The following MYO3B variants were observed in gnomAD, a reference collection of about 807,000 sequenced individuals.
MYO3B encodes myosin IIIB, also known as myosin-IIIb.
In MYO3B, 156 loss-of-function variants were observed where a neutral mutation model predicts 174.6. The observed-to-expected ratio is 0.89, with a 90% confidence interval of 0.78 to 1.02. MYO3B has a LOEUF of 1.02. MYO3B is among the 50% of genes least tolerant of loss of function. MYO3B has a pLI of 0.00. For missense variants in MYO3B, 1,632 were observed against 1,639.4 expected, an observed-to-expected ratio of 1.00 and a Z score of 0.08; for synonymous variants, 563 against 569.1, an observed-to-expected ratio of 0.99 and a Z score of 0.15.
chr2:170,221,469 G>A (rs1052569056), intron 6 of MYO3B, among the ~76,000 whole-genome samples: 2 of 152,092 alleles, frequency 1.3e-5, no homozygotes, highest in African/African-American at 4.8e-5. Context: ...ATGTTGATGA[G>A]CAGTCAAGAC....
chr2:170,182,585 T>C (rs943606324), intron 1 of MYO3B, among the ~76,000 whole-genome samples: 1 of 151,618 alleles, frequency 6.6e-6, no homozygotes, highest in Admixed American at 6.6e-5. Context: ...TTTAAAATTT[T>C]CATGTTATGT....
chr2:170,200,081 T>C (rs2105337085), intron 2 of MYO3B, 69 bp from the exon 3 acceptor site: 1 of 1,462,738 alleles, frequency 6.8e-7, no homozygotes, highest in East Asian at 2.3e-5. Context: ...TACTTGAGCA[T>C]GATGTCATAT....
intron 9 of MYO3B, among the ~76,000 whole-genome samples, chr2:170,369,684 GA>G (rs1335601425): frequency 6.3e-5 from 3 of 47,960 alleles, no homozygotes; most frequent in African/African-American, 1.6e-4. Context: ...CAGAAATTTG[GA>G]TTTTTTTTTT....
At chr2:170,285,640 C>T (rs998418134) in intron 7 of MYO3B, among the ~76,000 whole-genome samples, 2 of 152,176 alleles carry the variant, frequency 1.3e-5, no homozygotes, top group Admixed American at 6.5e-5. Flanking sequence ...GCTGGGATTA[C>T]AGGCGTGAGC....
intron 7 of MYO3B, among the ~76,000 whole-genome samples, chr2:170,272,944 C>G (rs2093436035): frequency 6.6e-6 from 1 of 152,150 alleles, no homozygotes; most frequent in Non-Finnish European, 1.5e-5. Flanking sequence ...TCTGTTACAG[C>G]AGCACAAAAC....
intron 13 of MYO3B, among the ~76,000 whole-genome samples, chr2:170,386,749 T>C (rs996428102): frequency 2.0e-5 from 3 of 152,228 alleles, no homozygotes; most frequent in African/African-American, 4.8e-5. Flanking sequence ...TAAGAAAGAA[T>C]GTATGGAATT....
intron 5 of MYO3B, among the ~76,000 whole-genome samples, chr2:170,216,699 A>G (rs544302323): frequency 1.3e-5 from 2 of 152,182 alleles, no homozygotes; most frequent in East Asian, 1.9e-4. Flanking sequence ...AAATCTTTTT[A>G]TGTCTACACT....
chr2:170,623,442 T>G (rs1696112019), intron 32 of MYO3B, among the ~76,000 whole-genome samples: 1 of 152,246 alleles, frequency 6.6e-6, no homozygotes, highest in African/African-American at 2.4e-5. Flanking sequence ...CTTGTAAATT[T>G]GTTTGAGTTC....
At chr2:170,494,099 A>G (rs1054714679) in intron 25 of MYO3B, among the ~76,000 whole-genome samples, 3 of 152,238 alleles carry the variant, frequency 2.0e-5, no homozygotes, top group Non-Finnish European at 2.9e-5. Flanking sequence ...AATTTGTTAT[A>G]CAGCAATATA....
chr2:170,261,348 G>C (rs1211939001), intron 7 of MYO3B, among the ~76,000 whole-genome samples: 1 of 152,050 alleles, frequency 6.6e-6, no homozygotes, highest in Non-Finnish European at 1.5e-5. Flanking sequence ...TTCAAGACTA[G>C]CCTAGGCAAC....
chr2:170,219,632 A>G (rs2092870273), intron 6 of MYO3B, among the ~76,000 whole-genome samples: 1 of 151,662 alleles, frequency 6.6e-6, no homozygotes, highest in Non-Finnish European at 1.5e-5. Context: ...TGACAGAGTT[A>G]GACTCTGTCT....
At chr2:170,496,166 G>A (rs1168600412) in intron 25 of MYO3B, among the ~76,000 whole-genome samples, 1 of 152,200 alleles carries the variant, frequency 6.6e-6, no homozygotes, top group East Asian at 1.9e-4. Flanking sequence ...GAGATTCAGA[G>A]CCTTGGAAAC....
At chr2:170,479,448 A>G (rs1309281928) in intron 25 of MYO3B, among the ~76,000 whole-genome samples, 1 of 146,166 alleles carries the variant, frequency 6.8e-6, no homozygotes, top group African/African-American at 2.5e-5. Context: ...TATAAAATAT[A>G]GATTTTATAT....
At chr2:170,379,404 A>G (rs143811371) in intron 9 of MYO3B, among the ~76,000 whole-genome samples, 10,190 of 152,248 alleles carry the variant, frequency 0.067, 453 homozygotes, top group South Asian at 0.14. Flanking sequence ...CATGTTGGCC[A>G]GGATGGTCTT....
chr2:170,334,070 C>T (rs2093930281), intron 7 of MYO3B: 1 of 152,182 alleles, frequency 6.6e-6, no homozygotes, highest in Admixed American at 6.6e-5. Context: ...TCATAGTTTT[C>T]ACTTTCAAGT....
At chr2:170,406,978 C>A (rs2094513746) in intron 21 of MYO3B, among the ~76,000 whole-genome samples, 1 of 152,126 alleles carries the variant, frequency 6.6e-6, no homozygotes, top group African/African-American at 2.4e-5. Context: ...AGTTTTGATA[C>A]CTACCTACCA....
At chr2:170,360,141 T>C (rs2105641942) in intron 8 of MYO3B, among the ~76,000 whole-genome samples, 1 of 152,298 alleles carries the variant, frequency 6.6e-6, no homozygotes, top group East Asian at 1.9e-4. Context: ...GAACAGATTG[T>C]TCATTTCTGT....
intron 32 of MYO3B, among the ~76,000 whole-genome samples, chr2:170,614,804 A>G (rs1271516298): frequency 6.6e-6 from 1 of 152,048 alleles, no homozygotes; most frequent in Non-Finnish European, 1.5e-5. Flanking sequence ...CACAGGCCCT[A>G]TCTCTTCTGT....
intron 21 of MYO3B, among the ~76,000 whole-genome samples, chr2:170,406,030 A>G (rs1292716340): frequency 6.6e-6 from 1 of 152,208 alleles, no homozygotes; most frequent in Non-Finnish European, 1.5e-5. Context: ...TACTTTAATC[A>G]TATGTCTAAG....
Sources: allele counts gnomAD v4.1 joint callset (sites outside exome capture counted in the v4.1 genomes callset), GRCh38; gene constraint gnomAD v4.1.1; transcripts MANE v1.5; gene names NCBI Gene and HGNC (gene_info 2026-07-23, HGNC 2026-07-21).